Variants in KYAT3 observed in about 807,000 individuals in gnomAD.
The protein encoded by KYAT3 is kynurenine--oxoglutarate transaminase 3.
KYAT3 carries 50 observed loss-of-function variants against 59.0 expected under a neutral mutation model. The observed-to-expected ratio is 0.85, with a 90% CI of 0.68 to 1.07. KYAT3 has a LOEUF of 1.07. Among genes scored for constraint, KYAT3 ranks in the 50% least tolerant of loss-of-function variants. The probability of loss-of-function intolerance (pLI) is 0.00; values close to 1 mark genes in which losing one functional copy is unlikely to be tolerated. For synonymous variants in KYAT3, 148 were observed against 177.0 expected, an observed-to-expected ratio of 0.84 and a Z score of 1.30; for missense variants, 497 against 533.3, an observed-to-expected ratio of 0.93 and a Z score of 0.67.
chr1:88,990,294 A>G (rs1677708805), intron 1 of KYAT3, among the ~76,000 whole-genome samples: 1 of 142,352 alleles, frequency 7.0e-6, no homozygotes, highest in Admixed American at 7.1e-5. Flanking sequence ...CAAACAAAAA[A>G]CACAAAAAAT....
At chr1:88,959,651 C>A (rs1191088702) in intron 8 of KYAT3, among the ~76,000 whole-genome samples, 6 of 151,164 alleles carry the variant, frequency 4.0e-5, no homozygotes, top group Non-Finnish European at 7.4e-5. Flanking sequence ...TAATCATTTA[C>A]CTTTCTTAAG....
intron 12 of KYAT3, 28 bp downstream of exon 12, chr1:88,943,322 G>T: frequency 7.6e-7 from 1 of 1,312,658 alleles, no homozygotes; most frequent in South Asian, 1.3e-5. Context: ...AAATATAACA[G>T]AATCTTGCAA....
intron 13 of KYAT3, among the ~76,000 whole-genome samples, chr1:88,937,373 A>G (rs900698011): frequency 3.3e-5 from 5 of 152,204 alleles, no homozygotes; most frequent in African/African-American, 1.2e-4. Flanking sequence ...AGGGATGCAC[A>G]GTGGCTTTGA....
At chr1:88,969,272 C>G (rs1570811118) in intron 3 of KYAT3, 137 bp downstream of exon 3, 1 of 663,154 alleles carries the variant, frequency 1.5e-6, no homozygotes, top group East Asian at 2.8e-5. Context: ...TAACTTCCTT[C>G]CATTTTCATT....
downstream of KYAT3, among the ~76,000 whole-genome samples, chr1:88,935,496 G>A (rs1675001304): frequency 6.6e-6 from 1 of 152,188 alleles, no homozygotes. Context: ...AATCATAAAA[G>A]CCTCAGGGAG....
intron 2 of KYAT3, among the ~76,000 whole-genome samples, chr1:88,985,409 T>G (rs987875947): frequency 1.3e-5 from 2 of 152,222 alleles, no homozygotes; most frequent in Non-Finnish European, 2.9e-5. Context: ...CTGTTTCTTC[T>G]GGGCACATGA....
chr1:88,947,433 G>A (rs909235465), intron 11 of KYAT3, among the ~76,000 whole-genome samples: 4 of 152,140 alleles, frequency 2.6e-5, no homozygotes, highest in South Asian at 2.1e-4. Flanking sequence ...CCAACACACC[G>A]GAACCTAACT....
rs924794569 is a variant in KYAT3 at position 88,936,128 on chromosome 1, A to T, written c.*55T>A. 1 of 1,175,472 alleles carries T rather than the reference A, an allele frequency of 8.5e-7. No individual in the cohort carries two copies. The highest frequency in any genetic ancestry group is 1.5e-5 in the African/African-American group (1 of 66,880). The allele number at this position is 1,175,472 out of a possible 1,614,324, so 72.8% of individuals were successfully genotyped here. On this transcript the variant is annotated 3_prime_UTR_variant, in exon 14 of 14. Transcript: ENST00000260508. ...TAACATCCAGCAGGTGGCAGCACTA[A>T]GTAACAATTCCATACTAGGTCATCT...
At chr1:88,962,263 C>T (rs1676177666) in intron 5 of KYAT3, 118 bp from the exon 6 acceptor site, 4 of 753,544 alleles carry the variant, frequency 5.3e-6, no homozygotes, top group East Asian at 2.8e-5. Flanking sequence ...GTGAAAAAGG[C>T]AGGCTTTGCC....
At chr1:88,947,154 C>T (rs1675475584) in intron 11 of KYAT3, among the ~76,000 whole-genome samples, 1 of 152,196 alleles carries the variant, frequency 6.6e-6, no homozygotes, top group Non-Finnish European at 1.5e-5. Flanking sequence ...CCCCCACCCT[C>T]CTCATGGACT....
chr1:88,987,036 G>A (rs1677499290), intron 2 of KYAT3, among the ~76,000 whole-genome samples: 1 of 152,212 alleles, frequency 6.6e-6, no homozygotes, highest in African/African-American at 2.4e-5. Flanking sequence ...GGTATGGAGA[G>A]GGGTTAGTGC....
intron 2 of KYAT3, among the ~76,000 whole-genome samples, chr1:88,976,748 T>C (rs1367728294): frequency 1.3e-5 from 2 of 152,140 alleles, no homozygotes; most frequent in African/African-American, 2.4e-5. Flanking sequence ...GACGTGGAGG[T>C]AGAACACAGT....
the KYAT3 span, among the ~76,000 whole-genome samples, chr1:88,926,801 T>C: frequency 2.0e-5 from 3 of 152,170 alleles, no homozygotes; most frequent in African/African-American, 7.2e-5. Flanking sequence ...AAAGACTATC[T>C]CAATCCTGAC....
intron 3 of KYAT3, 152 bp from the exon 4 acceptor site, chr1:88,968,966 C>A: frequency 1.7e-6 from 1 of 572,382 alleles, no homozygotes; most frequent in South Asian, 3.0e-5. Flanking sequence ...AATTTACCAA[C>A]CACAAATCAG....
At chr1:88,977,294 C>T (rs149571223) in intron 2 of KYAT3, among the ~76,000 whole-genome samples, 13 of 152,304 alleles carry the variant, frequency 8.5e-5, no homozygotes, top group East Asian at 1.9e-4. Flanking sequence ...CTCCACCTCC[C>T]GGGTTCAAGT....
chr1:88,931,570 G>C (rs148220076), downstream of KYAT3, among the ~76,000 whole-genome samples: 1 of 152,050 alleles, frequency 6.6e-6, no homozygotes, highest in African/African-American at 2.4e-5. Context: ...TGAGAGGGGG[G>C]ACTGAGAGAC....
intron 4 of KYAT3, 53 bp from the exon 5 acceptor site, chr1:88,965,031 G>A: frequency 1.4e-6 from 2 of 1,402,970 alleles, no homozygotes; most frequent in Non-Finnish European, 1.9e-6. Context: ...GGGACCTACT[G>A]TTTGAGGTAA....
intron 7 of KYAT3, 25 bp downstream of exon 7, chr1:88,961,356 G>A (rs1192828615): frequency 2.5e-6 from 4 of 1,613,430 alleles, no homozygotes; most frequent in Non-Finnish European, 3.4e-6. Context: ...TCAGAAGACT[G>A]TATAAGGAGA....
At chr1:88,981,652 C>T in intron 2 of KYAT3, 2 of 171,232 alleles carry the variant, frequency 1.2e-5, no homozygotes, top group Non-Finnish European at 1.4e-5. Flanking sequence ...CAGCCGCCTT[C>T]TGCTTCAACA....
Sources: gnomAD v4.1 joint callset for allele counts (sites outside exome capture counted in the v4.1 genomes callset) on GRCh38, gnomAD v4.1.1 for gene constraint, MANE v1.5 for transcripts, NCBI Gene and HGNC (gene_info 2026-07-23, HGNC 2026-07-21) for gene names.